Variants in CDC42 observed in about 807,000 individuals in gnomAD.
CDC42 encodes the protein cell division control protein 42 homolog.
A neutral mutation model predicts 20.8 loss-of-function variants in CDC42; 1 was observed. The observed-to-expected ratio is 0.05, with a 90% confidence interval of 0.02 to 0.23. The LOEUF is 0.23. Among genes scored for constraint, CDC42 ranks in the 10% least tolerant of loss-of-function variants. The pLI, the probability that CDC42 is intolerant of heterozygous loss-of-function variation, is 1.00. For missense variants in CDC42, 49 were observed against 227.9 expected, an observed-to-expected ratio of 0.21 and a Z score of 5.05; for synonymous variants, 72 against 84.8, an observed-to-expected ratio of 0.85 and a Z score of 0.83.
chr1:22,079,201 C>T (rs940717878), intron 2 of CDC42, among the ~76,000 whole-genome samples: 11 of 149,500 alleles, frequency 7.4e-5, no homozygotes, highest in African/African-American at 2.0e-4. Context: ...TGCAGTAGCG[C>T]GATCTCGGCT....
intron 1 of CDC42, among the ~76,000 whole-genome samples, chr1:22,062,755 A>G (rs1002965958): frequency 1.7e-4 from 25 of 148,650 alleles, no homozygotes; most frequent in African/African-American, 6.3e-4. Flanking sequence ...AAAAAAAAAA[A>G]AAAAAAAAAA....
chr1:22,070,085 G>A (rs1301290791), intron 1 of CDC42, among the ~76,000 whole-genome samples: 1 of 152,170 alleles, frequency 6.6e-6, no homozygotes, highest in Non-Finnish European at 1.5e-5. Context: ...ACTGTGCCCA[G>A]CCTCTGGGTA....
chr1:22,098,179 T>A lies in CDC42; in HGVS notation c.*6662T>A, dbSNP rs777286432. ...CCTACATTTTGAACAAGCATCTTTT[T>A]ATTTTGATGAAGTTTGCATTATTAC... On this transcript the variant is annotated 3_prime_UTR_variant, in exon 6 of 6. Coordinates refer to ENST00000656825, the MANE Select transcript of CDC42 (RefSeq NM_001791.4). Among the ~76,000 whole-genome samples, 4 of 152,322 alleles carry A rather than the reference T, an allele frequency of 2.6e-5. No homozygotes were observed. Among genetic ancestry groups the A allele is most frequent in the South Asian group, 4.1e-4 (2 of 4,828 alleles).
intron 5 of CDC42, among the ~76,000 whole-genome samples, chr1:22,088,046 G>C (rs1645678400): frequency 6.6e-6 from 1 of 152,156 alleles, no homozygotes; most frequent in Non-Finnish European, 1.5e-5. Context: ...GGGCAGTTTA[G>C]TGCTATTATA....
chr1:22,057,207 A>T (rs1645312281), intron 1 of CDC42, among the ~76,000 whole-genome samples: 1 of 152,148 alleles, frequency 6.6e-6, no homozygotes, highest in Non-Finnish European at 1.5e-5. Flanking sequence ...AGATTGAATT[A>T]ATATATATGA....
intron 3 of CDC42, among the ~76,000 whole-genome samples, chr1:22,083,858 C>T (rs994621890): frequency 6.6e-6 from 1 of 152,164 alleles, no homozygotes; most frequent in African/African-American, 2.4e-5. Context: ...TTTGTTTCTA[C>T]TGTTTTGCTT....
intron 1 of CDC42, among the ~76,000 whole-genome samples, chr1:22,073,068 A>AT (rs1316045829): frequency 6.6e-6 from 1 of 152,182 alleles, no homozygotes; most frequent in Non-Finnish European, 1.5e-5. Context: ...CCCTTCCTCC[A>AT]TACAGATCGT....
In CDC42 at chr1:22,097,241, T is replaced by G. The variant is rs1023100309; in HGVS notation, c.*5724T>G. Among the ~76,000 whole-genome samples the G allele has an allele frequency of 6.6e-6, 1 of 152,202 alleles. No homozygotes were observed. Among genetic ancestry groups the G allele is most frequent in the Non-Finnish European group, 1.5e-5 (1 of 68,024 alleles). ...TTACAGTGCTGTGTTAGGTCCAGTTTTACCTCTTAAATCTGTATTATTACT... is the reference window on the plus strand; with the variant it reads ...TTACAGTGCTGTGTTAGGTCCAGTTGTACCTCTTAAATCTGTATTATTACT... On this transcript the variant is annotated 3_prime_UTR_variant, in exon 6 of 6. Coordinates refer to ENST00000656825, the MANE Select transcript of CDC42 (RefSeq NM_001791.4).
intron 1 of CDC42, among the ~76,000 whole-genome samples, chr1:22,053,133 G>A (rs1299673478): frequency 5.3e-5 from 8 of 151,438 alleles, no homozygotes; most frequent in Non-Finnish European, 8.9e-5. Flanking sequence ...GGGGGCCTCA[G>A]AGCGACTCGC....
chr1:22,075,586 C>T (rs1000654695), intron 1 of CDC42, among the ~76,000 whole-genome samples: 1 of 152,094 alleles, frequency 6.6e-6, no homozygotes, highest in Non-Finnish European at 1.5e-5. Context: ...TTTTAAAATT[C>T]CTTATATTGA....
intron 1 of CDC42, among the ~76,000 whole-genome samples, chr1:22,067,453 C>T (rs940430229): frequency 1.3e-5 from 2 of 152,136 alleles, no homozygotes; most frequent in African/African-American, 4.8e-5. Context: ...GCAACCTCTA[C>T]CTCCCAAGCA....
intron 1 of CDC42, among the ~76,000 whole-genome samples, chr1:22,054,515 T>C (rs1645273957): frequency 6.6e-6 from 1 of 152,214 alleles, no homozygotes; most frequent in Non-Finnish European, 1.5e-5. Context: ...CTTCCGCGAC[T>C]GCAATAGTAT....
In CDC42 at chr1:22,098,269, A is replaced by G. The variant is rs375638788; in HGVS notation, c.*6752A>G. ...CTGGCCTCATTATCTGTAAAATTGC[A>G]TACTTAGTTATCATTGAGGTCTCAA... On this transcript the variant is annotated 3_prime_UTR_variant, in exon 6 of 6. Transcript: ENST00000656825. Among the ~76,000 whole-genome samples the G allele has an allele frequency of 7.9e-5, 12 of 152,158 alleles. No individual in the cohort carries two copies. Among genetic ancestry groups the G allele is most frequent in the African/African-American group, 1.9e-4 (8 of 41,424 alleles).
Position 22,095,886 on chromosome 1 carries a change from A to G in CDC42, c.*4369A>G, listed in dbSNP as rs1287098218. On this transcript the variant is annotated 3_prime_UTR_variant, in exon 6 of 6. Transcript: ENST00000656825. ...GCGCATTTACACTTTCTCGTATTCC[A>G]TTGCCCAGAGATGGCATATAGCCGA... Among the ~76,000 whole-genome samples the G allele has an allele frequency of 6.6e-6, 1 of 152,140 alleles. No individual in the cohort carries two copies. The highest frequency in any genetic ancestry group is 1.5e-5 in the Non-Finnish European group (1 of 68,028).
In CDC42 at chr1:22,095,720, A is replaced by G. The variant is rs1014585523; in HGVS notation, c.*4203A>G. 6.6e-6 allele frequency among the ~76,000 whole-genome samples: 1 copy of G among 152,086 alleles called. No homozygotes were observed. The highest frequency in any genetic ancestry group is 2.4e-5 in the African/African-American group (1 of 41,402). On this transcript the variant is annotated 3_prime_UTR_variant, in exon 6 of 6. Transcript: ENST00000656825. ...AAAACAGCATTTATTTTTCTCATTC[A>G]TGGGTCAGCTGAACTTGTCTCTAGC...
intron 1 of CDC42, among the ~76,000 whole-genome samples, chr1:22,071,046 C>CTTTTTTT (rs10684040): frequency 5.6e-5 from 7 of 125,308 alleles, no homozygotes; most frequent in African/African-American, 6.1e-5. Context: ...TTTTTTCTTT[C>CTTTTTTT]TTTTTTTTTT....
At chr1:22,079,843 T>C (rs1453802596) in intron 2 of CDC42, among the ~76,000 whole-genome samples, 2 of 152,334 alleles carry the variant, frequency 1.3e-5, no homozygotes, top group South Asian at 2.1e-4. Context: ...TCTGGTGTTA[T>C]ATTTTAAGTG....
At chr1:22,082,738 G>C (rs1051666749) in intron 3 of CDC42, among the ~76,000 whole-genome samples, 1 of 152,092 alleles carries the variant, frequency 6.6e-6, no homozygotes, top group Non-Finnish European at 1.5e-5. Context: ...GTAAAGATTA[G>C]AGAAATTTTT....
chr1:22,094,172 C>T lies in CDC42; in HGVS notation c.*2655C>T, dbSNP rs896882933. Reference sequence around the variant, plus strand: ...TTCTCCAGGGAGTATGATTTAGAGGCTGGAAAGGGTTATTGAAAATAGTCC... The same window carrying T: ...TTCTCCAGGGAGTATGATTTAGAGGTTGGAAAGGGTTATTGAAAATAGTCC... On this transcript the variant is annotated 3_prime_UTR_variant, in exon 6 of 6. Transcript: ENST00000656825. 1.3e-5 allele frequency among the ~76,000 whole-genome samples: 2 copies of T among 151,366 alleles called. No individual in the cohort carries two copies. The highest frequency in any genetic ancestry group is 4.9e-5 in the African/African-American group (2 of 41,100).
Sources: gnomAD v4.1 joint callset for allele counts (sites outside exome capture counted in the v4.1 genomes callset) on GRCh38, gnomAD v4.1.1 for gene constraint, MANE v1.5 for transcripts, NCBI Gene and HGNC (gene_info 2026-07-23, HGNC 2026-07-21) for gene names.